ACTR3C: variants seen among roughly 807,000 people sequenced by gnomAD.
ACTR3C encodes actin-related protein 3C.
ACTR3C carries 18 observed loss-of-function variants against 26.3 expected under a neutral mutation model. That is an observed-to-expected ratio of 0.68 (90% CI 0.47 to 1.01). The LOEUF (loss-of-function observed/expected upper bound fraction) is 1.01. ACTR3C is among the 50% of genes least tolerant of loss of function. The pLI, the probability that ACTR3C is intolerant of heterozygous loss-of-function variation, is 0.00. For missense variants in ACTR3C, 184 were observed against 250.7 expected (o/e 0.73, Z 1.80); for synonymous variants, 55 against 94.5 (o/e 0.58, Z 2.42).
At chr7:150,128,896 G>A in the ACTR3C span, among the ~76,000 whole-genome samples, 2 of 151,696 alleles carry the variant, frequency 1.3e-5, no homozygotes, top group East Asian at 1.9e-4. Context: ...TCACTGCCTA[G>A]AGAAAGCTTC....
At chr7:150,171,978 A>AT in the ACTR3C span, among the ~76,000 whole-genome samples, 6 of 150,422 alleles carry the variant, frequency 4.0e-5, 1 homozygote, top group African/African-American at 1.5e-4. Context: ...CACCTAGCTA[A>AT]TTTTTTGTAT....
At chr7:149,928,799 C>T in the ACTR3C span, among the ~76,000 whole-genome samples, 3 of 151,502 alleles carry the variant, frequency 2.0e-5, no homozygotes, top group Non-Finnish European at 4.4e-5. Context: ...GCTGAAGTCA[C>T]ACCACTGCAC....
the ACTR3C span, among the ~76,000 whole-genome samples, chr7:150,126,142 G>A: frequency 1.3e-5 from 2 of 152,200 alleles, no homozygotes; most frequent in East Asian, 3.9e-4. Flanking sequence ...CTTTGCAACC[G>A]ACACTCAGGG....
chr7:149,965,875 C>G, the ACTR3C span, among the ~76,000 whole-genome samples: 1 of 152,194 alleles, frequency 6.6e-6, no homozygotes, highest in Non-Finnish European at 1.5e-5. Context: ...CTAACCCACC[C>G]TCTCCCCAAC....
chr7:150,037,753 CCCT>C, the ACTR3C span, among the ~76,000 whole-genome samples: 15 of 38,302 alleles, frequency 3.9e-4, no homozygotes, highest in Admixed American at 1.0e-3. Flanking sequence ...TCAGTCCCCA[CCCT>C]CGCGGGGGGT....
the ACTR3C span, among the ~76,000 whole-genome samples, chr7:150,101,811 T>C: frequency 2.4e-3 from 362 of 151,848 alleles, 14 homozygotes; most frequent in African/African-American, 8.5e-3. Context: ...GGATTCCATT[T>C]ATTCAAAAGA....
chr7:150,043,214 A>G, the ACTR3C span, among the ~76,000 whole-genome samples: 3 of 150,750 alleles, frequency 2.0e-5, no homozygotes, highest in Admixed American at 6.6e-5. Flanking sequence ...TTTCTTCTTG[A>G]ACACCTCATA....
chr7:150,172,634 A>AC, the ACTR3C span, among the ~76,000 whole-genome samples: 1 of 149,892 alleles, frequency 6.7e-6, no homozygotes, highest in East Asian at 1.9e-4. Context: ...CAGTCCCCCA[A>AC]AGTCTTAATT....
chr7:150,038,037 C>A, the ACTR3C span, among the ~76,000 whole-genome samples: 1 of 137,974 alleles, frequency 7.2e-6, no homozygotes, highest in East Asian at 2.0e-4. Flanking sequence ...TCCCAAGAGC[C>A]ATGGGGGGAA....
chr7:150,089,671 G>A, the ACTR3C span, among the ~76,000 whole-genome samples: 12 of 152,154 alleles, frequency 7.9e-5, no homozygotes, highest in African/African-American at 1.7e-4. Flanking sequence ...GTGCTGCCAC[G>A]CCCAGATGAA....
At chr7:150,187,339 T>C in the ACTR3C span, among the ~76,000 whole-genome samples, 1 of 152,022 alleles carries the variant, frequency 6.6e-6, no homozygotes, top group African/African-American at 2.4e-5. Flanking sequence ...ATTAATTATA[T>C]TTGTAAAAAT....
the ACTR3C span, among the ~76,000 whole-genome samples, chr7:150,100,614 G>A: frequency 3.3e-5 from 5 of 151,600 alleles, no homozygotes; most frequent in East Asian, 1.9e-4. Flanking sequence ...ATATGGTATT[G>A]TAAACATTGC....
the ACTR3C span, among the ~76,000 whole-genome samples, chr7:150,067,020 C>G: frequency 6.6e-6 from 1 of 152,282 alleles, no homozygotes; most frequent in Middle Eastern, 3.4e-3. Context: ...AACTGCTGGT[C>G]TAGCTTATGG....
At chr7:150,040,093 CA>C in the ACTR3C span, among the ~76,000 whole-genome samples, 38 of 143,796 alleles carry the variant, frequency 2.6e-4, 3 homozygotes, top group Middle Eastern at 3.4e-3. Context: ...TCCCAAGAGC[CA>C]GGGGGGAAGA....
intron 6 of ACTR3C, among the ~76,000 whole-genome samples, chr7:150,283,697 A>C (rs1835525128): frequency 1.3e-5 from 2 of 152,012 alleles, no homozygotes; most frequent in Admixed American, 1.3e-4. Flanking sequence ...GATTTACCTC[A>C]TTCTTTTTAA....
chr7:149,977,525 C>A, the ACTR3C span, among the ~76,000 whole-genome samples: 1 of 152,218 alleles, frequency 6.6e-6, no homozygotes, highest in Non-Finnish European at 1.5e-5. Context: ...TCTACCAGAA[C>A]TCATTCTTGT....
At chr7:150,253,131 C>T (rs531528795) in intron 6 of ACTR3C, among the ~76,000 whole-genome samples, 3 of 152,200 alleles carry the variant, frequency 2.0e-5, no homozygotes, top group African/African-American at 4.8e-5. Context: ...CCTCTGCCCA[C>T]GCCGTGTAAA....
intron 2 of ACTR3C, 106 bp downstream of exon 2, chr7:150,295,146 A>G: frequency 1.5e-6 from 2 of 1,344,536 alleles, no homozygotes; most frequent in South Asian, 2.8e-5. Flanking sequence ...TGGAAAAAGG[A>G]AGGGCACACA....
At chr7:150,193,972 A>T in the ACTR3C span, among the ~76,000 whole-genome samples, 4,102 of 146,874 alleles carry the variant, frequency 0.028, 187 homozygotes, top group African/African-American at 0.099. Context: ...TATATATATA[A>T]AATACACATA....
Sources: allele counts gnomAD v4.1 joint callset (sites outside exome capture counted in the v4.1 genomes callset), GRCh38; gene constraint gnomAD v4.1.1; transcripts MANE v1.5; gene names NCBI Gene and HGNC (gene_info 2026-07-23, HGNC 2026-07-21).